PSD3: variants seen among roughly 807,000 people sequenced by gnomAD.
PSD3 encodes pleckstrin and Sec7 domain containing 3, also known as PH and SEC7 domain-containing protein 3.
Under a neutral mutation model 105.5 loss-of-function variants are expected in PSD3, and 49 were observed. The observed-to-expected ratio is 0.46, with a 90% CI of 0.37 to 0.59. PSD3 has a LOEUF of 0.59. Ranked by LOEUF, PSD3 falls within the 20% of genes least tolerant of loss-of-function variation. The pLI, the probability that PSD3 is intolerant of heterozygous loss-of-function variation, is 0.00. For missense variants in PSD3, 1,561 were observed against 1,263.8 expected (o/e 1.24, Z -3.57); for synonymous variants, 557 against 457.8 (o/e 1.22, Z -2.77).
intron 2 of PSD3, among the ~76,000 whole-genome samples, chr8:18,903,123 A>G (rs550047986): frequency 1.3e-5 from 2 of 152,262 alleles, no homozygotes; most frequent in South Asian, 2.1e-4. Context: ...GCTACTCCCT[A>G]GCAGCTCAGG....
chr8:18,644,792 A>C (rs887228918), intron 10 of PSD3, among the ~76,000 whole-genome samples: 4 of 152,172 alleles, frequency 2.6e-5, no homozygotes, highest in African/African-American at 9.7e-5. Context: ...TCTCGGTACC[A>C]ATCTTCTGTC....
intron 15 of PSD3, among the ~76,000 whole-genome samples, chr8:18,552,642 T>G (rs1369501238): frequency 6.6e-6 from 1 of 152,208 alleles, no homozygotes; most frequent in African/African-American, 2.4e-5. Flanking sequence ...TATTTTTAAG[T>G]AAAATGGGAA....
rs978791764 is a variant in PSD3 at position 18,533,424 on chromosome 8, C to T, written c.*2319G>A. 1 of 152,188 alleles carries T rather than the reference C, an allele frequency of 6.6e-6. No individual in the cohort carries two copies. Among genetic ancestry groups the T allele is most frequent in the Non-Finnish European group, 1.5e-5 (1 of 68,036 alleles). 9.4% of individuals were successfully genotyped at this position (152,188 alleles called of 1,614,324 possible). On this transcript the variant is annotated 3_prime_UTR_variant, in exon 16 of 16. Transcript: ENST00000327040. ...CGTATCCAATGATCTATTAGCCTAT[C>T]CAGAAGTCCCTGGAGTTAATATTAG...
At chr8:19,074,286 G>T (rs4921986) in intron 1 of PSD3, among the ~76,000 whole-genome samples, 8,186 of 151,878 alleles carry the variant, frequency 0.054, 719 homozygotes, top group African/African-American at 0.18. Flanking sequence ...ACGTCTTGCA[G>T]GGTGGCCTTA....
rs1799633138 is a variant in PSD3, at chr8:18,531,557, T to C, written c.*4186A>G. The C allele has an allele frequency of 6.6e-6, 1 of 152,216 alleles. No homozygotes were observed. Among genetic ancestry groups the C allele is most frequent in the South Asian group, 2.1e-4 (1 of 4,816 alleles). The allele number at this position is 152,216 out of a possible 1,614,324, so 9.4% of individuals were successfully genotyped here. ...ATGCTATAAGACTGGTGGAAAGAAA[T>C]TTGCTGACATGTGGCAGAGCAGTGG... On this transcript the variant is annotated 3_prime_UTR_variant, in exon 16 of 16. Coordinates refer to ENST00000327040, the MANE Select transcript of PSD3 (RefSeq NM_015310.4).
chr8:18,735,154 A>G (rs937497572), intron 9 of PSD3, among the ~76,000 whole-genome samples: 2 of 152,182 alleles, frequency 1.3e-5, no homozygotes, highest in Non-Finnish European at 2.9e-5. Flanking sequence ...AAAAATCCCT[A>G]AGTTCTCTCC....
At chr8:19,021,271 G>A (rs1442472668) in intron 1 of PSD3, among the ~76,000 whole-genome samples, 2 of 152,230 alleles carry the variant, frequency 1.3e-5, no homozygotes, top group East Asian at 1.9e-4. Context: ...CAGTGTCTGC[G>A]TTCTGCTCTC....
chr8:18,792,505 T>C (rs938618849), intron 8 of PSD3, among the ~76,000 whole-genome samples: 4 of 152,150 alleles, frequency 2.6e-5, no homozygotes, highest in Non-Finnish European at 5.9e-5. Flanking sequence ...AAGTGGGAGC[T>C]GAATGATGAG....
At chr8:18,787,744 T>G (rs1256300262) in intron 8 of PSD3, among the ~76,000 whole-genome samples, 1 of 152,138 alleles carries the variant, frequency 6.6e-6, no homozygotes, top group Non-Finnish European at 1.5e-5. Flanking sequence ...CGTTTAAAGA[T>G]ACATTAAATG....
intron 4 of PSD3, among the ~76,000 whole-genome samples, chr8:18,815,313 G>A (rs1812123809): frequency 6.6e-6 from 1 of 151,766 alleles, no homozygotes; most frequent in Non-Finnish European, 1.5e-5. Flanking sequence ...TTTTTTGTGG[G>A]GTTGGAGGTG....
At chr8:18,972,662 G>A (rs772115746) in intron 1 of PSD3, among the ~76,000 whole-genome samples, 1 of 152,196 alleles carries the variant, frequency 6.6e-6, no homozygotes, top group Non-Finnish European at 1.5e-5. Flanking sequence ...TCATCAATGG[G>A]ATCAGTGCCT....
intron 9 of PSD3, among the ~76,000 whole-genome samples, chr8:18,661,593 A>T (rs1186223039): frequency 6.6e-6 from 1 of 152,202 alleles, no homozygotes; most frequent in African/African-American, 2.4e-5. Flanking sequence ...AGCTTCTCCA[A>T]AACTAGGATT....
At chr8:18,659,537 A>G (rs1264158773) in intron 9 of PSD3, among the ~76,000 whole-genome samples, 1 of 152,218 alleles carries the variant, frequency 6.6e-6, no homozygotes, top group African/African-American at 2.4e-5. Flanking sequence ...GTTTACATCA[A>G]CTAAGTACAT....
At chr8:18,691,255 TC>T (rs1800959305) in intron 9 of PSD3, among the ~76,000 whole-genome samples, 2 of 152,300 alleles carry the variant, frequency 1.3e-5, no homozygotes, top group Admixed American at 6.5e-5. Context: ...CCTCATTTTT[TC>T]CCCCTCATGA....
chr8:18,990,145 T>A (rs985891513), intron 1 of PSD3, among the ~76,000 whole-genome samples: 24 of 152,244 alleles, frequency 1.6e-4, no homozygotes, highest in African/African-American at 5.8e-4. Context: ...CACTGATTAA[T>A]CCCTCTGCTT....
intron 1 of PSD3, among the ~76,000 whole-genome samples, chr8:18,970,052 G>A (rs1409267323): frequency 5.1e-5 from 2 of 39,596 alleles, no homozygotes; most frequent in East Asian, 1.7e-3. Context: ...CCTCGGCCAG[G>A]TGCGGGCTCA....
intron 1 of PSD3, among the ~76,000 whole-genome samples, chr8:18,963,093 G>A (rs142182275): frequency 3.3e-5 from 5 of 152,194 alleles, no homozygotes; most frequent in Non-Finnish European, 7.3e-5. Flanking sequence ...CATGGCAGCG[G>A]CAAGAGAAAA....
intron 2 of PSD3, among the ~76,000 whole-genome samples, chr8:18,932,915 C>T (rs541577796): frequency 6.6e-6 from 1 of 152,206 alleles, no homozygotes; most frequent in African/African-American, 2.4e-5. Flanking sequence ...GTTCAACTTC[C>T]ACCTCCTCCA....
chr8:18,665,312 A>G (rs893998177), intron 9 of PSD3, among the ~76,000 whole-genome samples: 1 of 152,172 alleles, frequency 6.6e-6, no homozygotes, highest in Non-Finnish European at 1.5e-5. Flanking sequence ...GTTGATTCCA[A>G]CCCTCATGGA....
Sources: gnomAD v4.1 joint callset for allele counts (sites outside exome capture counted in the v4.1 genomes callset) on GRCh38, gnomAD v4.1.1 for gene constraint, MANE v1.5 for transcripts, NCBI Gene and HGNC (gene_info 2026-07-23, HGNC 2026-07-21) for gene names.